SMYD1: variants seen among roughly 807,000 people sequenced by gnomAD.
SMYD1 encodes SET and MYND domain containing 1.
Under a neutral mutation model 54.0 loss-of-function variants are expected in SMYD1, and 49 were observed. The observed-to-expected ratio is 0.91, with a 90% CI of 0.72 to 1.15. SMYD1 has a LOEUF of 1.15. Among genes scored for constraint, SMYD1 ranks in the 50% most tolerant of loss-of-function variants. The pLI, the probability that SMYD1 is intolerant of heterozygous loss-of-function variation, is 0.00. For missense variants in SMYD1, 653 were observed against 639.6 expected (o/e 1.02, Z -0.23); for synonymous variants, 269 against 234.2 (o/e 1.15, Z -1.36).
chr2:88,086,494 C>T (rs1674328536), intron 2 of SMYD1, among the ~76,000 whole-genome samples: 1 of 152,164 alleles, frequency 6.6e-6, no homozygotes, highest in Non-Finnish European at 1.5e-5. Context: ...GTCTCATACT[C>T]AAGTCCCTGT....
At chr2:88,106,827 A>T (rs1674887028) in intron 8 of SMYD1, among the ~76,000 whole-genome samples, 2 of 152,146 alleles carry the variant, frequency 1.3e-5, no homozygotes, top group African/African-American at 4.8e-5. Flanking sequence ...CCACCCTGTA[A>T]TCAACACAGG....
intron 1 of SMYD1, among the ~76,000 whole-genome samples, chr2:88,081,416 T>A (rs1674188878): frequency 6.6e-6 from 1 of 151,926 alleles, no homozygotes; most frequent in South Asian, 2.1e-4. Context: ...ACTGACTATA[T>A]TTGTAATTTG....
chr2:88,112,272 C>T lies in SMYD1; in HGVS notation c.*1760C>T, dbSNP rs777621255. The T allele has an allele frequency of 5.2e-5, 34 of 654,080 alleles. No individual in the cohort carries two copies. The highest frequency in any genetic ancestry group is 7.8e-5 in the Non-Finnish European group (28 of 361,256). The allele number at this position is 654,080 out of a possible 1,614,324, so 40.5% of individuals were successfully genotyped here. Reference sequence around the variant, plus strand: ...TTCTTTGTCATTGTTATCTGCTAAGCCCCTGGTCATTTCCCCATATTCGTA... The same window carrying T: ...TTCTTTGTCATTGTTATCTGCTAAGTCCCTGGTCATTTCCCCATATTCGTA... On this transcript the variant is annotated 3_prime_UTR_variant, in exon 10 of 10. Transcript: ENST00000419482.
At chr2:88,093,650 G>T (rs1674512240) in intron 5 of SMYD1, 95 bp downstream of exon 5, 8 of 1,370,744 alleles carry the variant, frequency 5.8e-6, no homozygotes, top group Non-Finnish European at 8.3e-6. Context: ...CTTCTTGGCT[G>T]CCATCTGTCC....
At chr2:88,107,741 C>T (rs116041256) in intron 8 of SMYD1, among the ~76,000 whole-genome samples, 2,569 of 152,332 alleles carry the variant, frequency 0.017, 41 homozygotes, top group Middle Eastern at 0.034. Flanking sequence ...ACCCTCCGAG[C>T]GAGGCGTGGG....
In SMYD1 at chr2:88,110,793, G is replaced by C; in HGVS notation, c.*281G>C. 2.8e-6 allele frequency: 1 copy of C among 357,350 alleles called. No homozygotes were observed. The highest frequency in any genetic ancestry group is 7.6e-5 in the South Asian group (1 of 13,192). 22.1% of individuals were successfully genotyped at this position (357,350 alleles called of 1,614,324 possible). ...AGGAGCTCCAAATGTCGTTGGGTGG[G>C]GAAGCAAAATGTAGAGAAACATTTA... On this transcript the variant is annotated 3_prime_UTR_variant, in exon 10 of 10. Coordinates refer to ENST00000419482, the MANE Select transcript of SMYD1 (RefSeq NM_198274.4).
intron 2 of SMYD1, among the ~76,000 whole-genome samples, 174 bp downstream of exon 2, chr2:88,084,666 T>G (rs1228281762): frequency 6.6e-6 from 1 of 152,244 alleles, no homozygotes; most frequent in Non-Finnish European, 1.5e-5. Flanking sequence ...GAGGGAGAAC[T>G]GGCTGTTGAC....
intron 3 of SMYD1, among the ~76,000 whole-genome samples, chr2:88,089,854 A>T (rs1410760761): frequency 2.0e-5 from 3 of 151,966 alleles, no homozygotes; most frequent in African/African-American, 7.3e-5. Context: ...TGCCTTCCAA[A>T]GTGCTGGGAT....
rs769693575 is a variant in SMYD1, at chr2:88,110,604, G to C, written c.*92G>C. On this transcript the variant is annotated 3_prime_UTR_variant, in exon 10 of 10. Transcript: ENST00000419482. ...CTCTCGGGAGACCCCTAATGAGGAA[G>C]TTGAGGTAATGCTTAACATTGTTGC... is the stretch of plus-strand genomic sequence containing the variant. The C allele has an allele frequency of 1.0e-5, 14 of 1,380,730 alleles. No individual in the cohort carries two copies. Among genetic ancestry groups the C allele is most frequent in the Non-Finnish European group, 1.1e-5 (11 of 1,044,858 alleles). 85.5% of individuals were successfully genotyped at this position (1,380,730 alleles called of 1,614,324 possible).
At position 88,112,077 on chromosome 2, in the gene SMYD1, G is replaced by A. The variant is rs1439122675; in HGVS notation, c.*1565G>A. On this transcript the variant is annotated 3_prime_UTR_variant, in exon 10 of 10. Transcript: ENST00000419482. Reference sequence around the variant, plus strand: ...TACTTGTATCTGACACTTAGGTCTTGTTTGAAGAATTTCCTTTCTGGAAGG... The same window carrying A: ...TACTTGTATCTGACACTTAGGTCTTATTTGAAGAATTTCCTTTCTGGAAGG... The A allele has an allele frequency of 1.0e-5, 7 of 703,092 alleles. No homozygotes were observed. The highest frequency in any genetic ancestry group is 1.6e-5 in the Non-Finnish European group (6 of 385,064). The allele number at this position is 703,092 out of a possible 1,614,324, so 43.6% of individuals were successfully genotyped here.
At chr2:88,108,723 A>G (rs1558860444) in intron 9 of SMYD1, among the ~76,000 whole-genome samples, 184 bp downstream of exon 9, 1 of 152,168 alleles carries the variant, frequency 6.6e-6, no homozygotes, top group Non-Finnish European at 1.5e-5. Flanking sequence ...CTAAATGAAT[A>G]CCTGAGACTG....
Position 88,081,195 on chromosome 2 carries a change from G to A in SMYD1, c.138-3121G>A, listed in dbSNP as rs190009502. Among the ~76,000 whole-genome samples the A allele has an allele frequency of 1.7e-4, 26 of 151,638 alleles. No individual in the cohort carries two copies. In the South Asian group the frequency reaches 4.6e-3, roughly 27 times the overall value. On this transcript the variant is annotated intron_variant, in intron 1 of 9. Transcript: ENST00000419482. Reference sequence around the variant, plus strand: ...TGGGATTACAGGTGTGAGCCACCGCGCCTGGCCTGGATATGTTCATTATCT... The same window carrying A: ...TGGGATTACAGGTGTGAGCCACCGCACCTGGCCTGGATATGTTCATTATCT...
chr2:88,073,159 A>G (rs1233713858), intron 1 of SMYD1, among the ~76,000 whole-genome samples: 2 of 152,076 alleles, frequency 1.3e-5, no homozygotes, highest in African/African-American at 2.4e-5. Flanking sequence ...AAAACATGTT[A>G]TTTGGTTTTC....
chr2:88,098,735 C>A (rs778334979), intron 6 of SMYD1, among the ~76,000 whole-genome samples: 1 of 152,220 alleles, frequency 6.6e-6, no homozygotes, highest in Non-Finnish European at 1.5e-5. Context: ...TTCTGGGCCT[C>A]AGTTTCCTCA....
chr2:88,094,747 C>T (rs1329802595), intron 5 of SMYD1, among the ~76,000 whole-genome samples: 1 of 152,086 alleles, frequency 6.6e-6, no homozygotes, highest in Admixed American at 6.5e-5. Flanking sequence ...CTGGAAATTC[C>T]AGCCCAATTG....
intron 5 of SMYD1, among the ~76,000 whole-genome samples, chr2:88,093,871 A>T (rs1573113895): frequency 6.6e-6 from 1 of 152,204 alleles, no homozygotes; most frequent in African/African-American, 2.4e-5. Context: ...TGTCTCCCTA[A>T]ACCCTGCTTA....
intron 1 of SMYD1, among the ~76,000 whole-genome samples, chr2:88,078,141 G>T (rs1200640792): frequency 6.6e-6 from 1 of 152,168 alleles, no homozygotes; most frequent in South Asian, 2.1e-4. Flanking sequence ...GGTGAGAGGA[G>T]CTCAGCGATC....
rs373502457 is a variant in SMYD1 at position 88,110,326 on chromosome 2, C to T, written c.1315-28C>T. 5.4e-5 allele frequency: 87 copies of T among 1,596,744 alleles called. 1 individual carries two copies. The highest frequency in any genetic ancestry group is 2.9e-4 in the South Asian group (25 of 87,596). Reference sequence around the variant, plus strand: ...AGCATGTCCTAGGGGCTTGCTATCACTGTTTACGGTGTATCTGTGTCCCAC... The same window carrying T: ...AGCATGTCCTAGGGGCTTGCTATCATTGTTTACGGTGTATCTGTGTCCCAC... On this transcript the variant is annotated intron_variant, in intron 9 of 9. Coordinates refer to ENST00000419482, the MANE Select transcript of SMYD1 (RefSeq NM_198274.4).
In SMYD1 at chr2:88,106,361, G is replaced by A. The variant is rs771710072; in HGVS notation, c.1018G>A (p.Glu340Lys). 5.6e-6 allele frequency: 9 copies of A among 1,614,040 alleles called. No homozygotes were observed. Among genetic ancestry groups the A allele is most frequent in the Non-Finnish European group, 7.6e-6 (9 of 1,180,034 alleles). Residue 340 changes from glutamate (E) to lysine (K), a missense_variant, in exon 8 of 10, where the codon GAG (glutamate) becomes AAG (lysine). Glu to Lys is a moderately conservative substitution (Grantham distance 56). Coordinates refer to ENST00000419482, the MANE Select transcript of SMYD1 (RefSeq NM_198274.4). ...ATGCCGGGAGTGCCTGGAGAAGCAGGAGCCAGTGTTTGCTGACACCAACAT... is the reference window on the plus strand; with the variant it reads ...ATGCCGGGAGTGCCTGGAGAAGCAGAAGCCAGTGTTTGCTGACACCAACAT... ...KLCRECLEKQ[E>K]PVFADTNIYM...
Sources: gnomAD v4.1 joint callset for allele counts (sites outside exome capture counted in the v4.1 genomes callset) on GRCh38, gnomAD v4.1.1 for gene constraint, MANE v1.5 for transcripts, NCBI Gene and HGNC (gene_info 2026-07-23, HGNC 2026-07-21) for gene names.